Variants in MTHFD1L observed in about 807,000 individuals in gnomAD.
MTHFD1L encodes methylenetetrahydrofolate dehydrogenase (NADP+ dependent) 1 like, also known as monofunctional C1-tetrahydrofolate synthase, mitochondrial.
In MTHFD1L, 81 loss-of-function variants were observed where a neutral mutation model predicts 119.5. The observed-to-expected ratio is 0.68, with a 90% CI of 0.57 to 0.82. MTHFD1L has a LOEUF of 0.82. Ranked by LOEUF, MTHFD1L falls within the 40% of genes least tolerant of loss-of-function variation. The pLI is 0.00. For missense variants in MTHFD1L, 1,125 were observed against 1,253.4 expected (o/e 0.90, Z 1.55); for synonymous variants, 430 against 475.2 (o/e 0.90, Z 1.24).
At chr6:151,051,481 G>A (rs960123776) in intron 26 of MTHFD1L, among the ~76,000 whole-genome samples, 3 of 152,202 alleles carry the variant, frequency 2.0e-5, no homozygotes, top group Admixed American at 2.0e-4. Context: ...AAGAGGTAGA[G>A]TTCTAGCGCT....
chr6:150,896,101 G>A (rs893753642), intron 7 of MTHFD1L, among the ~76,000 whole-genome samples: 1 of 152,072 alleles, frequency 6.6e-6, no homozygotes, highest in Non-Finnish European at 1.5e-5. Context: ...GGTAGAGGTG[G>A]CAAAACAGCC....
intron 17 of MTHFD1L, 21 bp downstream of exon 17, chr6:150,956,092 G>A (rs199779638): frequency 5.6e-6 from 9 of 1,605,318 alleles, no homozygotes; most frequent in South Asian, 4.4e-5. Context: ...CTTTCTTCCC[G>A]GGTGTGGCTC....
chr6:150,949,987 C>A (rs1462504376), intron 16 of MTHFD1L, among the ~76,000 whole-genome samples: 1 of 152,200 alleles, frequency 6.6e-6, no homozygotes, highest in East Asian at 1.9e-4. Context: ...CTGGATTATT[C>A]TTCTCATACT....
chr6:150,978,853 C>T (rs904135343), intron 20 of MTHFD1L, among the ~76,000 whole-genome samples: 4 of 152,144 alleles, frequency 2.6e-5, no homozygotes, highest in African/African-American at 7.2e-5. Flanking sequence ...GACCTGAGGG[C>T]TCCTCCTCGC....
intron 26 of MTHFD1L, among the ~76,000 whole-genome samples, chr6:151,066,764 CA>C (rs1303162884): frequency 0.073 from 7,262 of 99,970 alleles, 202 homozygotes; most frequent in Middle Eastern, 0.17. Flanking sequence ...AACTCCGTCT[CA>C]AAAAAAAAAA....
chr6:150,994,097 G>GAAAGAAGAAAGAAAGAAAGAAAGAAAGAA (rs61147935), intron 20 of MTHFD1L, among the ~76,000 whole-genome samples: 1 of 129,158 alleles, frequency 7.7e-6, no homozygotes, highest in East Asian at 2.2e-4. Flanking sequence ...AAGAAAGAAA[G>GAAAGAAGAAAGAAAGAAAGAAAGAAAGAA]TGACCCAGCA....
intron 7 of MTHFD1L, among the ~76,000 whole-genome samples, chr6:150,888,202 C>T (rs1782640234): frequency 1.3e-5 from 2 of 152,164 alleles, no homozygotes; most frequent in South Asian, 4.1e-4. Context: ...AAGAACAGAT[C>T]ATTCTAATAC....
chr6:151,015,653 C>A lies in MTHFD1L; in HGVS notation c.2546C>A (p.Ala849Glu), dbSNP rs35829704. ...TTGGCTCGGGCTGTGAGAGAGGCTG[C>A]GAGTAAAAGAAGCCGATTCCAGTTC... ...VDLARAVREA[A>E]SKRSRFQFLY... The change falls in exon 24 of 28, where the codon GCG becomes GAG. Residue 849 changes from alanine (A) to glutamate (E), a missense_variant. By Grantham distance (107) the Ala-to-Glu change is moderately radical (BLOSUM62 -1). Coordinates refer to ENST00000367321, the MANE Select transcript of MTHFD1L (RefSeq NM_015440.5). 25 of 1,613,662 alleles carry A rather than the reference C, an allele frequency of 1.5e-5. No homozygotes were observed. Among genetic ancestry groups the A allele is most frequent in the Non-Finnish European group, 2.1e-5 (25 of 1,179,936 alleles).
At chr6:150,895,997 G>A (rs1333102110) in intron 7 of MTHFD1L, among the ~76,000 whole-genome samples, 13 of 152,118 alleles carry the variant, frequency 8.5e-5, no homozygotes, top group Admixed American at 8.5e-4. Flanking sequence ...CACTTATTCT[G>A]TTAGGCAGGA....
intron 7 of MTHFD1L, among the ~76,000 whole-genome samples, chr6:150,900,173 C>A (rs1784891613): frequency 6.6e-6 from 1 of 151,950 alleles, no homozygotes; most frequent in Admixed American, 6.6e-5. Context: ...GTAGCAAAGT[C>A]ACCAGTAGTT....
At chr6:150,870,833 C>T (rs932657014) in intron 1 of MTHFD1L, among the ~76,000 whole-genome samples, 16 of 151,596 alleles carry the variant, frequency 1.1e-4, no homozygotes, top group African/African-American at 3.6e-4. Context: ...ATCGCTTTAA[C>T]CCGGGAGGTG....
intron 24 of MTHFD1L, 68 bp downstream of exon 24, chr6:151,015,761 C>T (rs1475741178): frequency 6.5e-7 from 1 of 1,534,676 alleles, no homozygotes; most frequent in Non-Finnish European, 8.8e-7. Flanking sequence ...ATTCTGTTGT[C>T]ACCACAACCC....
At chr6:150,921,404 C>T (rs371422579) in intron 9 of MTHFD1L, among the ~76,000 whole-genome samples, 1 of 152,152 alleles carries the variant, frequency 6.6e-6, no homozygotes, top group Non-Finnish European at 1.5e-5. Context: ...GCGTGAGCCA[C>T]TGCACCTGGC....
At chr6:151,035,894 G>A (rs934878806) in intron 25 of MTHFD1L, among the ~76,000 whole-genome samples, 28 of 152,074 alleles carry the variant, frequency 1.8e-4, no homozygotes, top group African/African-American at 6.3e-4. Context: ...ATTTAACCAT[G>A]TCTGAAATTT....
chr6:150,929,372 T>C (rs1790603107), intron 11 of MTHFD1L, among the ~76,000 whole-genome samples: 1 of 152,162 alleles, frequency 6.6e-6, no homozygotes, highest in Admixed American at 6.5e-5. Context: ...GAAAACTTGG[T>C]AGGATGTGTT....
At chr6:151,097,130 A>G (rs1480321710) in intron 27 of MTHFD1L, among the ~76,000 whole-genome samples, 1 of 152,208 alleles carries the variant, frequency 6.6e-6, no homozygotes, top group Non-Finnish European at 1.5e-5. Context: ...AGCTTTGGCA[A>G]GATTCATTCA....
chr6:150,918,703 T>A (rs1252298033), intron 9 of MTHFD1L, 35 bp downstream of exon 9: 1 of 1,561,800 alleles, frequency 6.4e-7, no homozygotes, highest in African/African-American at 1.4e-5. Context: ...AATCTTGAGT[T>A]TGGAAGTTTG....
chr6:150,954,372 A>G (rs1795297476), intron 16 of MTHFD1L, among the ~76,000 whole-genome samples: 1 of 152,186 alleles, frequency 6.6e-6, no homozygotes, highest in African/African-American at 2.4e-5. Context: ...AATAACTGCA[A>G]TTCTTGTTTT....
chr6:151,057,189 T>C, intron 26 of MTHFD1L: 1 of 985,158 alleles, frequency 1.0e-6, no homozygotes. Flanking sequence ...CATTATGTAT[T>C]TTCCATGATC....
Sources: gnomAD v4.1 joint callset for allele counts (sites outside exome capture counted in the v4.1 genomes callset) on GRCh38, gnomAD v4.1.1 for gene constraint, MANE v1.5 for transcripts, NCBI Gene and HGNC (gene_info 2026-07-23, HGNC 2026-07-21) for gene names.